The following MB21D2 variants were observed in gnomAD, a reference collection of about 807,000 sequenced individuals.
MB21D2 encodes Mab-21 domain containing 2.
Under a neutral mutation model 33.3 loss-of-function variants are expected in MB21D2, and 9 were observed. That is an observed-to-expected ratio of 0.27 (90% confidence interval 0.16 to 0.47). The LOEUF (loss-of-function observed/expected upper bound fraction) is 0.47, where lower values mean the gene tolerates loss of function less well. Ranked by LOEUF, MB21D2 falls within the 20% of genes least tolerant of loss-of-function variation. The pLI is 0.99. For missense variants in MB21D2, 540 were observed against 624.6 expected, an observed-to-expected ratio of 0.86 and a Z score of 1.44; for synonymous variants, 241 against 236.3, an observed-to-expected ratio of 1.02 and a Z score of -0.18.
At chr3:192,890,763 T>C (rs943882867) in intron 1 of MB21D2, among the ~76,000 whole-genome samples, 2 of 152,026 alleles carry the variant, frequency 1.3e-5, no homozygotes, top group African/African-American at 2.4e-5. Flanking sequence ...TCTGAGGATA[T>C]GGCATTACGT....
intron 1 of MB21D2, among the ~76,000 whole-genome samples, chr3:192,843,097 G>A (rs1034347308): frequency 4.6e-5 from 7 of 152,150 alleles, no homozygotes; most frequent in Non-Finnish European, 8.8e-5. Context: ...GGAAAATTGA[G>A]GCTGAGAAAG....
chr3:192,869,466 C>A (rs938526237), intron 1 of MB21D2, among the ~76,000 whole-genome samples: 1 of 152,138 alleles, frequency 6.6e-6, no homozygotes. Context: ...CTGGCTCCAG[C>A]CGAGGCCTGA....
chr3:192,869,552 T>G (rs1351711823), intron 1 of MB21D2, among the ~76,000 whole-genome samples: 2 of 152,208 alleles, frequency 1.3e-5, no homozygotes, highest in African/African-American at 4.8e-5. Flanking sequence ...AATATGTGTC[T>G]GACTCAACCC....
chr3:192,910,320 A>T (rs1391901635), intron 1 of MB21D2, among the ~76,000 whole-genome samples: 2 of 150,810 alleles, frequency 1.3e-5, no homozygotes, highest in South Asian at 2.1e-4. Flanking sequence ...AAAAAAAAAA[A>T]TTTAAAAATT....
In MB21D2 at chr3:192,799,968, G is replaced by C. The variant is rs1711522126; in HGVS notation, c.212-318C>G. On this transcript the variant is annotated intron_variant, in intron 1 of 1. Transcript: ENST00000392452. This position sits in a 1 kb window ranked among gnomAD's most constrained non-coding sequence, Gnocchi z 4.1. ...GAATTGCCATCCACTCAGTTATGCA[G>C]ACTGAAAACCTCAGTACATTTCAAC... is the stretch of plus-strand genomic sequence containing the variant. Among the ~76,000 whole-genome samples the C allele has an allele frequency of 6.6e-6, 1 of 152,164 alleles. No individual in the cohort carries two copies. Among genetic ancestry groups the C allele is most frequent in the African/African-American group, 2.4e-5 (1 of 41,444 alleles).
intron 1 of MB21D2, among the ~76,000 whole-genome samples, chr3:192,838,455 G>A (rs924270916): frequency 7.1e-6 from 1 of 141,816 alleles, no homozygotes; most frequent in African/African-American, 2.7e-5. Flanking sequence ...TTGAGATGGA[G>A]TCTCGCTCTG....
chr3:192,885,348 A>T (rs1349917228), intron 1 of MB21D2, among the ~76,000 whole-genome samples: 6 of 152,098 alleles, frequency 3.9e-5, no homozygotes, highest in Non-Finnish European at 5.9e-5. Context: ...TTTGATTTAA[A>T]ATCCCAAATC....
rs148534228 is a variant in MB21D2 at position 192,865,482 on chromosome 3, C to G, written c.211+52148G>C. ...TCAAAGTACATGCATTAACATTCCA[C>G]TGGAAGGGCAAGAAGAGCAAGTACT... On this transcript the variant is annotated intron_variant, in intron 1 of 1. Coordinates refer to ENST00000392452, the MANE Select transcript of MB21D2 (RefSeq NM_178496.4). Among the ~76,000 whole-genome samples the G allele has an allele frequency of 4.9e-4, 74 of 152,306 alleles. 1 individual carries two copies. The highest frequency in any genetic ancestry group is 3.5e-3 in the Admixed American group (54 of 15,302).
chr3:192,850,483 G>A (rs1712775534), intron 1 of MB21D2, among the ~76,000 whole-genome samples: 1 of 152,132 alleles, frequency 6.6e-6, no homozygotes, highest in African/African-American at 2.4e-5. Context: ...GTCATTCATC[G>A]CATGTGTGGT....
chr3:192,827,651 T>C (rs1712206473), intron 1 of MB21D2, among the ~76,000 whole-genome samples: 1 of 152,116 alleles, frequency 6.6e-6, no homozygotes, highest in African/African-American at 2.4e-5. Flanking sequence ...CAGGTCTCGC[T>C]CATTCCAAAT....
intron 1 of MB21D2, among the ~76,000 whole-genome samples, chr3:192,858,651 A>G (rs1712971384): frequency 6.6e-6 from 1 of 152,236 alleles, no homozygotes; most frequent in South Asian, 2.1e-4. Context: ...ATGGACAGAT[A>G]GACAGATGGA....
intron 1 of MB21D2, among the ~76,000 whole-genome samples, chr3:192,884,523 C>A (rs540260429): frequency 2.4e-5 from 3 of 124,466 alleles, no homozygotes; most frequent in African/African-American, 9.0e-5. Flanking sequence ...CCCGCCACCA[C>A]GCCCGGCTAA....
chr3:192,879,784 T>C (rs546442012), intron 1 of MB21D2, among the ~76,000 whole-genome samples: 2 of 152,360 alleles, frequency 1.3e-5, no homozygotes, highest in African/African-American at 4.8e-5. Flanking sequence ...TGGATTTTTA[T>C]TGCAGAGAAT....
chr3:192,812,435 G>C (rs1460451212), intron 1 of MB21D2, among the ~76,000 whole-genome samples: 1 of 152,184 alleles, frequency 6.6e-6, no homozygotes, highest in African/African-American at 2.4e-5. Flanking sequence ...TAACACAAGA[G>C]AAGTTCAGCA....
At chr3:192,904,938 G>A (rs1026916282) in intron 1 of MB21D2, among the ~76,000 whole-genome samples, 2 of 152,196 alleles carry the variant, frequency 1.3e-5, no homozygotes, top group East Asian at 1.9e-4. Flanking sequence ...CTCACAACGG[G>A]GTAATGAGCC....
chr3:192,798,143 C>A lies in MB21D2; in HGVS notation c.*243G>T. 1 of 424,334 alleles carries A rather than the reference C, an allele frequency of 2.4e-6. No individual in the cohort carries two copies. Among genetic ancestry groups the A allele is most frequent in the Non-Finnish European group, 4.2e-6 (1 of 240,962 alleles). 26.3% of individuals were successfully genotyped at this position (424,334 alleles called of 1,614,324 possible). On this transcript the variant is annotated 3_prime_UTR_variant, in exon 2 of 2. Coordinates refer to ENST00000392452, the MANE Select transcript of MB21D2 (RefSeq NM_178496.4). The surrounding 1 kb of genome is among the most constrained non-coding windows in gnomAD (Gnocchi z 4.8). ...AAGATCTCCTTAAAAAGAAAAAAAA[C>A]TCCAACAAACTAAAGAGCATGACAA...
intron 1 of MB21D2, among the ~76,000 whole-genome samples, chr3:192,844,536 C>T (rs1316779293): frequency 4.6e-5 from 7 of 152,184 alleles, no homozygotes; most frequent in Non-Finnish European, 8.8e-5. Context: ...AAGCTTAAAA[C>T]GTAATCCAAA....
intron 1 of MB21D2, among the ~76,000 whole-genome samples, chr3:192,822,424 C>T (rs183453042): frequency 1.2e-4 from 19 of 152,198 alleles, no homozygotes; most frequent in African/African-American, 4.3e-4. Context: ...AGTATAGGAA[C>T]TCACCAAGTA....
intron 1 of MB21D2, among the ~76,000 whole-genome samples, chr3:192,811,860 T>TTA (rs1409251761): frequency 6.6e-6 from 1 of 152,126 alleles, no homozygotes; most frequent in Non-Finnish European, 1.5e-5. Flanking sequence ...CAGACCTTAC[T>TTA]TATACATGAA....
Sources: gnomAD v4.1 joint callset for allele counts (sites outside exome capture counted in the v4.1 genomes callset) on GRCh38, gnomAD v4.1.1 for gene constraint, Gnocchi (gnomAD v3.1) non-coding constraint, MANE v1.5 for transcripts, NCBI Gene and HGNC (gene_info 2026-07-23, HGNC 2026-07-21) for gene names.